The following LRRC63 variants were observed in gnomAD, a reference collection of about 807,000 sequenced individuals.
LRRC63 encodes leucine rich repeat containing 63.
LRRC63 carries 40 observed loss-of-function variants against 49.5 expected under a neutral mutation model. The ratio of observed to expected loss-of-function variants is 0.81; its 90% CI spans 0.63 to 1.05. The LOEUF (loss-of-function observed/expected upper bound fraction) is 1.05, where lower values mean the gene tolerates loss of function less well. Ranked by LOEUF, LRRC63 falls within the 50% of genes least tolerant of loss-of-function variation. The pLI is 0.00. For missense variants in LRRC63, 636 were observed against 663.1 expected, an observed-to-expected ratio of 0.96 and a Z score of 0.45; for synonymous variants, 191 against 221.1, an observed-to-expected ratio of 0.86 and a Z score of 1.21.
At chr13:46,231,989 G>A (rs990738656) in intron 4 of LRRC63, among the ~76,000 whole-genome samples, 2 of 151,442 alleles carry the variant, frequency 1.3e-5, no homozygotes, top group East Asian at 3.9e-4. Flanking sequence ...CTAATTTTTT[G>A]TATTTTTAGT....
chr13:46,259,456 C>G (rs963781181), intron 7 of LRRC63, among the ~76,000 whole-genome samples: 1 of 152,146 alleles, frequency 6.6e-6, no homozygotes, highest in African/African-American at 2.4e-5. Context: ...GAAATAGCTA[C>G]TTCAACTGAG....
At chr13:46,258,067 T>G (rs2047544691) in intron 7 of LRRC63, among the ~76,000 whole-genome samples, 1 of 151,906 alleles carries the variant, frequency 6.6e-6, no homozygotes, top group Non-Finnish European at 1.5e-5. Context: ...CAAGACACTT[T>G]CAGAGGCAAG....
intron 5 of LRRC63, among the ~76,000 whole-genome samples, 200 bp downstream of exon 5, chr13:46,234,549 A>G (rs1312930449): frequency 1.3e-5 from 2 of 152,238 alleles, no homozygotes; most frequent in Non-Finnish European, 2.9e-5. Context: ...CTGAGGTTCA[A>G]GTCAATCACA....
intron 2 of LRRC63, among the ~76,000 whole-genome samples, chr13:46,215,965 C>T (rs905699432): frequency 2.6e-5 from 4 of 152,084 alleles, no homozygotes; most frequent in African/African-American, 9.7e-5. Flanking sequence ...TGTTCTGCTC[C>T]ATTGGTCTCT....
At chr13:46,225,323 C>T (rs2046538290) in intron 2 of LRRC63, among the ~76,000 whole-genome samples, 1 of 152,180 alleles carries the variant, frequency 6.6e-6, no homozygotes, top group Admixed American at 6.5e-5. Flanking sequence ...GGCCATGTTA[C>T]ACTGTGAGGT....
chr13:46,255,744 C>A (rs569125376), intron 7 of LRRC63, among the ~76,000 whole-genome samples: 3 of 151,164 alleles, frequency 2.0e-5, no homozygotes, highest in African/African-American at 7.3e-5. Flanking sequence ...AATTTATATA[C>A]AATAAAATGC....
chr13:46,256,843 G>A (rs73482613), intron 7 of LRRC63, among the ~76,000 whole-genome samples: 11,650 of 152,154 alleles, frequency 0.077, 1,477 homozygotes, highest in African/African-American at 0.26. Context: ...TTTGCATGTG[G>A]GATAGATGTG....
chr13:46,259,924 G>T (rs1406633410), intron 7 of LRRC63, among the ~76,000 whole-genome samples: 1 of 152,110 alleles, frequency 6.6e-6, no homozygotes, highest in Non-Finnish European at 1.5e-5. Context: ...AGTTTAGGCA[G>T]CTCATTGGCC....
chr13:46,262,218 G>A (rs2047625112), intron 8 of LRRC63, among the ~76,000 whole-genome samples: 1 of 152,088 alleles, frequency 6.6e-6, no homozygotes, highest in African/African-American at 2.4e-5. Context: ...TTAACAGAAC[G>A]ATAAGCTACT....
intron 9 of LRRC63, among the ~76,000 whole-genome samples, chr13:46,275,352 G>A (rs1248974486): frequency 6.6e-6 from 1 of 152,124 alleles, no homozygotes; most frequent in East Asian, 1.9e-4. Context: ...TGAGATTGCT[G>A]GATAGTATGA....
At chr13:46,246,694 G>A (rs952779851) in intron 6 of LRRC63, 69 bp downstream of exon 6, 33 of 696,878 alleles carry the variant, frequency 4.7e-5, no homozygotes, top group African/African-American at 1.5e-4. Context: ...AAAAATAGAC[G>A]TCTTTTAATA....
chr13:46,232,736 C>G (rs568018639), intron 4 of LRRC63, among the ~76,000 whole-genome samples: 3 of 151,668 alleles, frequency 2.0e-5, no homozygotes, highest in East Asian at 3.9e-4. Context: ...AATTACAACA[C>G]ATTCTAAAAA....
At chr13:46,232,813 A>T (rs1353989556) in intron 4 of LRRC63, among the ~76,000 whole-genome samples, 1 of 152,228 alleles carries the variant, frequency 6.6e-6, no homozygotes, top group African/African-American at 2.4e-5. Context: ...TTTGATTCAG[A>T]TATTAGAGTT....
At chr13:46,234,295 C>A (rs2046845237) in exon 5 of LRRC63, 3 of 1,550,092 alleles carry the variant, frequency 1.9e-6, no homozygotes, top group Non-Finnish European at 2.6e-6. Flanking sequence ...CAGCCATGAC[C>A]AACCTGGCCA....
At chr13:46,218,620 A>G (rs909268264) in intron 2 of LRRC63, among the ~76,000 whole-genome samples, 2 of 152,100 alleles carry the variant, frequency 1.3e-5, no homozygotes, top group Non-Finnish European at 2.9e-5. Flanking sequence ...TAATATCGTT[A>G]TATGTGAATT....
At chr13:46,241,865 TTGG>T (rs1487967064) in intron 5 of LRRC63, among the ~76,000 whole-genome samples, 3 of 152,182 alleles carry the variant, frequency 2.0e-5, no homozygotes, top group Non-Finnish European at 4.4e-5. Context: ...TTATACACTC[TTGG>T]TGGGAGTGTA....
rs192727701 is a variant in LRRC63, at chr13:46,227,763, T to C, written c.337T>C (p.Cys113Arg). 6 of 1,550,536 alleles carry C rather than the reference T, an allele frequency of 3.9e-6. No individual in the cohort carries two copies. In the Admixed American group the frequency reaches 1.2e-4, roughly 30 times the overall value. The change falls in exon 3 of 10, where the codon TGT (cysteine) becomes CGT (arginine). Residue 113 changes from cysteine to arginine, a missense_variant. Physicochemically the swap from Cys to Arg is radical, Grantham distance 180 (BLOSUM62 -3). Coordinates refer to ENST00000595396, the Ensembl canonical transcript of LRRC63. ...TACTGGTTCCATATTTTTTCCACAT[T>C]GTAATTCAGCTTCTACTCGAATTTT...
At chr13:46,245,768 A>G (rs1211490906) in intron 5 of LRRC63, among the ~76,000 whole-genome samples, 1 of 152,236 alleles carries the variant, frequency 6.6e-6, no homozygotes, top group African/African-American at 2.4e-5. Flanking sequence ...AATCAGAGAA[A>G]TAGAGGTGGA....
intron 3 of LRRC63, 137 bp downstream of exon 3, chr13:46,228,326 A>G: frequency 1.4e-6 from 1 of 690,482 alleles, no homozygotes; most frequent in East Asian, 2.7e-5. Context: ...ATATACATGT[A>G]ATACTTGAGC....
Sources: gnomAD v4.1 joint callset for allele counts (sites outside exome capture counted in the v4.1 genomes callset) on GRCh38, gnomAD v4.1.1 for gene constraint, MANE v1.5 for transcripts, NCBI Gene and HGNC (gene_info 2026-07-23, HGNC 2026-07-21) for gene names.